Variants in MACROD2 observed in about 807,000 individuals in gnomAD.
The protein encoded by MACROD2 is ADP-ribose glycohydrolase MACROD2.
MACROD2 carries 36 observed loss-of-function variants against 70.4 expected under a neutral mutation model. That is an observed-to-expected ratio of 0.51 (90% CI 0.39 to 0.68). The LOEUF (loss-of-function observed/expected upper bound fraction) is 0.68, where lower values mean the gene tolerates loss of function less well. MACROD2 is among the 30% of genes least tolerant of loss of function. The probability of loss-of-function intolerance (pLI) is 0.00; values close to 1 mark genes in which losing one functional copy is unlikely to be tolerated. For missense variants in MACROD2, 496 were observed against 538.4 expected (o/e 0.92, Z 0.78); for synonymous variants, 172 against 178.8 (o/e 0.96, Z 0.30).
At chr20:14,453,616 T>C (rs567292855) in intron 3 of MACROD2, among the ~76,000 whole-genome samples, 117 of 152,210 alleles carry the variant, frequency 7.7e-4, no homozygotes, top group South Asian at 1.7e-3. Flanking sequence ...GCAACCTTCA[T>C]TCTGCCCCTT....
chr20:14,858,901 A>G (rs2073284004), intron 5 of MACROD2, among the ~76,000 whole-genome samples: 1 of 152,116 alleles, frequency 6.6e-6, no homozygotes, highest in African/African-American at 2.4e-5. Flanking sequence ...GAAAGTTTTG[A>G]TTTAGGGGAA....
chr20:14,821,242 G>C (rs910081939), intron 5 of MACROD2, among the ~76,000 whole-genome samples: 2 of 152,024 alleles, frequency 1.3e-5, no homozygotes, highest in Non-Finnish European at 2.9e-5. Context: ...GCATAATTGG[G>C]TTAATATCTT....
chr20:14,251,317 A>G (rs1220794819), intron 3 of MACROD2, among the ~76,000 whole-genome samples: 2 of 152,142 alleles, frequency 1.3e-5, no homozygotes, highest in East Asian at 3.8e-4. Context: ...AGCTCCTGCT[A>G]TTGGAAAATG....
At chr20:14,020,488 T>G (rs1160294209) in intron 2 of MACROD2, among the ~76,000 whole-genome samples, 1 of 152,058 alleles carries the variant, frequency 6.6e-6, no homozygotes, top group Non-Finnish European at 1.5e-5. Flanking sequence ...AAAATAAAAT[T>G]AAATTTAAAA....
chr20:15,867,862 A>C (rs915866482), intron 9 of MACROD2, among the ~76,000 whole-genome samples: 1 of 152,204 alleles, frequency 6.6e-6, no homozygotes, highest in Admixed American at 6.5e-5. Context: ...CCCTTTAGGA[A>C]AAACCAACCT....
intron 7 of MACROD2, among the ~76,000 whole-genome samples, chr20:15,482,076 C>T (rs1600476127): frequency 6.6e-6 from 1 of 152,184 alleles, no homozygotes; most frequent in Admixed American, 6.5e-5. Context: ...TCCTTTACTT[C>T]AGGCCATACA....
intron 9 of MACROD2, among the ~76,000 whole-genome samples, chr20:15,882,644 G>A (rs2064770323): frequency 6.6e-6 from 1 of 152,016 alleles, no homozygotes; most frequent in African/African-American, 2.4e-5. Flanking sequence ...ATATTTCAGG[G>A]TGAAATATTC....
intron 5 of MACROD2, among the ~76,000 whole-genome samples, chr20:14,844,835 T>C (rs985520687): frequency 6.6e-6 from 1 of 152,148 alleles, no homozygotes; most frequent in African/African-American, 2.4e-5. Context: ...TTCTGAGTGA[T>C]ATATGGATTC....
At chr20:15,818,435 C>T (rs1046814207) in intron 8 of MACROD2, among the ~76,000 whole-genome samples, 3 of 152,110 alleles carry the variant, frequency 2.0e-5, no homozygotes, top group African/African-American at 7.2e-5. Context: ...TGTAAACTGT[C>T]ATGGCACTGA....
intron 6 of MACROD2, among the ~76,000 whole-genome samples, chr20:15,234,933 T>G (rs1179317220): frequency 1.3e-5 from 2 of 152,220 alleles, no homozygotes; most frequent in Non-Finnish European, 2.9e-5. Context: ...TTTGTAATGA[T>G]TTTTATGTGT....
chr20:15,468,941 G>C (rs77945633), intron 7 of MACROD2, among the ~76,000 whole-genome samples: 2 of 152,140 alleles, frequency 1.3e-5, no homozygotes, highest in Non-Finnish European at 2.9e-5. Context: ...TGTTCACTTT[G>C]CAAGACCTCC....
chr20:15,490,269 C>CCT (rs2047215844), intron 7 of MACROD2, among the ~76,000 whole-genome samples: 1 of 132,676 alleles, frequency 7.5e-6, no homozygotes, highest in African/African-American at 3.1e-5. Flanking sequence ...TCCCTTCTTT[C>CCT]TCTCTTTCTT....
rs1477491160 is a variant in MACROD2, at chr20:15,499,806, C to G, written c.604C>G (p.Leu202Val). 1.2e-6 allele frequency: 2 copies of G among 1,613,802 alleles called. No individual in the cohort carries two copies. Among genetic ancestry groups the G allele is most frequent in the East Asian group, 4.5e-5 (2 of 44,860 alleles). The change falls in exon 8 of 18, where the codon CTC (leucine) becomes GTC (valine). Residue 202 changes from leucine to valine, a missense_variant. Leu to Val is a conservative substitution (Grantham distance 32). Transcript: ENST00000684519. ...CAACGAGCCTGCTGCAGTCATTGCC[C>G]TCAACACCATTAAGGAATGGCTTGC... ...FPNEPAAVIA[L>V]NTIKEWLAKN...
intron 3 of MACROD2, among the ~76,000 whole-genome samples, chr20:14,230,404 A>AT (rs2081791589): frequency 6.6e-6 from 1 of 152,056 alleles, no homozygotes; most frequent in Non-Finnish European, 1.5e-5. Flanking sequence ...AGTAGTTTCC[A>AT]TCTCAAGAAA....
At chr20:14,480,875 A>C (rs1444633903) in intron 3 of MACROD2, among the ~76,000 whole-genome samples, 1 of 152,184 alleles carries the variant, frequency 6.6e-6, no homozygotes, top group Non-Finnish European at 1.5e-5. Context: ...TATAAATATA[A>C]TAATGTATTT....
At chr20:14,388,133 C>G (rs6110268) in intron 3 of MACROD2, among the ~76,000 whole-genome samples, 1 of 151,820 alleles carries the variant, frequency 6.6e-6, no homozygotes, top group Non-Finnish European at 1.5e-5. Context: ...CCTCAGCCTC[C>G]TGAGTAGCTG....
At chr20:15,148,427 C>T (rs1034166460) in intron 5 of MACROD2, among the ~76,000 whole-genome samples, 6 of 151,998 alleles carry the variant, frequency 3.9e-5, no homozygotes, top group African/African-American at 1.5e-4. Flanking sequence ...TTCAGCATAG[C>T]CTTGCCAGCA....
At chr20:14,207,034 G>A (rs1234065237) in intron 3 of MACROD2, among the ~76,000 whole-genome samples, 1 of 151,932 alleles carries the variant, frequency 6.6e-6, no homozygotes, top group Non-Finnish European at 1.5e-5. Context: ...TGTACTTAGC[G>A]AATATCAGAT....
chr20:14,928,629 AC>A (rs1247309081), intron 5 of MACROD2, among the ~76,000 whole-genome samples: 1 of 152,202 alleles, frequency 6.6e-6, no homozygotes, highest in Non-Finnish European at 1.5e-5. Flanking sequence ...GGTGCTTGAT[AC>A]CAAAGCATAG....
Sources: allele counts gnomAD v4.1 joint callset (sites outside exome capture counted in the v4.1 genomes callset), GRCh38; gene constraint gnomAD v4.1.1; transcripts MANE v1.5; gene names NCBI Gene and HGNC (gene_info 2026-07-23, HGNC 2026-07-21).